NXPE2: variants seen among roughly 807,000 people sequenced by gnomAD.
NXPE2 encodes NXPE family member 2.
A neutral mutation model predicts 34.4 loss-of-function variants in NXPE2; 34 were observed. That is an observed-to-expected ratio of 0.99 (90% CI 0.75 to 1.31). The LOEUF (loss-of-function observed/expected upper bound fraction) is 1.31, where lower values mean the gene tolerates loss of function less well. Among genes scored for constraint, NXPE2 ranks in the 40% most tolerant of loss-of-function variants. The pLI is 0.00. For synonymous variants in NXPE2, 235 were observed against 231.3 expected (o/e 1.02, Z -0.15); for missense variants, 649 against 672.5 (o/e 0.97, Z 0.39).
downstream of NXPE2, among the ~76,000 whole-genome samples, chr11:114,710,367 T>C (rs1859590503): frequency 4.6e-5 from 7 of 151,796 alleles, no homozygotes; most frequent in Admixed American, 4.6e-4. Context: ...CTAAGAAAAA[T>C]AGAGAAGACT....
At chr11:114,647,808 T>A in the NXPE2 span, among the ~76,000 whole-genome samples, 1 of 152,016 alleles carries the variant, frequency 6.6e-6, no homozygotes, top group Non-Finnish European at 1.5e-5. Context: ...TTTAAGCGAT[T>A]CTCCTGCCTC....
chr11:114,551,840 GGAGA>G, the NXPE2 span: 1 of 151,918 alleles, frequency 6.6e-6, no homozygotes, highest in Admixed American at 6.6e-5. Context: ...GGAGAGAGAT[GGAGA>G]GAGAGAGAAA....
chr11:114,492,665 A>G, the NXPE2 span, among the ~76,000 whole-genome samples: 2,668 of 152,120 alleles, frequency 0.018, 43 homozygotes, highest in Middle Eastern at 0.048. Flanking sequence ...CAGCCTCCCA[A>G]GTAGCTGGGA....
the NXPE2 span, among the ~76,000 whole-genome samples, chr11:114,472,272 T>C: frequency 1.3e-5 from 2 of 152,180 alleles, no homozygotes. Flanking sequence ...CCTCTCCCAC[T>C]GTTTTAATTG....
chr11:114,529,856 C>A, the NXPE2 span: 1 of 263,756 alleles, frequency 3.8e-6, no homozygotes, highest in Admixed American at 4.8e-5. Context: ...ATTTAAGGGG[C>A]AAAATTAACA....
chr11:114,602,090 T>G, the NXPE2 span, among the ~76,000 whole-genome samples: 1 of 98,306 alleles, frequency 1.0e-5, no homozygotes, highest in Non-Finnish European at 1.8e-5. Context: ...TTTTATTATA[T>G]ATAACATATA....
At chr11:114,556,685 A>G in the NXPE2 span, among the ~76,000 whole-genome samples, 1 of 151,762 alleles carries the variant, frequency 6.6e-6, no homozygotes. Context: ...CTTTCATATC[A>G]TTTTTTAAAA....
the NXPE2 span, among the ~76,000 whole-genome samples, chr11:114,511,797 A>G: frequency 6.6e-6 from 1 of 152,082 alleles, no homozygotes; most frequent in Admixed American, 6.5e-5. Context: ...AGGTTGTTTA[A>G]GGGAGCCTGG....
the NXPE2 span, among the ~76,000 whole-genome samples, chr11:114,626,246 G>C: frequency 6.6e-6 from 1 of 152,212 alleles, no homozygotes; most frequent in Non-Finnish European, 1.5e-5. Flanking sequence ...CAAAAAGACA[G>C]CAGTAACCTC....
At chr11:114,636,392 G>C in the NXPE2 span, among the ~76,000 whole-genome samples, 4 of 151,838 alleles carry the variant, frequency 2.6e-5, no homozygotes, top group Non-Finnish European at 5.9e-5. Flanking sequence ...TATCAATTTT[G>C]TTGATCCTTT....
the NXPE2 span, among the ~76,000 whole-genome samples, chr11:114,604,018 C>T: frequency 1.1e-4 from 16 of 151,844 alleles, no homozygotes; most frequent in South Asian, 8.3e-4. Context: ...ACTACCATTA[C>T]GTGGTGGATA....
At chr11:114,727,871 G>T in the NXPE2 span, among the ~76,000 whole-genome samples, 4 of 150,460 alleles carry the variant, frequency 2.7e-5, no homozygotes, top group Non-Finnish European at 5.9e-5. Context: ...CAATTATAGG[G>T]TTTTACATTA....
the NXPE2 span, chr11:114,559,819 T>C: frequency 6.6e-6 from 1 of 152,410 alleles, no homozygotes; most frequent in African/African-American, 2.4e-5. Context: ...ATCTCTCCTA[T>C]CTGGGTGGCT....
chr11:114,571,110 C>A, the NXPE2 span: 2 of 1,613,854 alleles, frequency 1.2e-6, no homozygotes, highest in African/African-American at 2.7e-5. Context: ...ATGAAAGTCA[C>A]TAAATCTTTC....
chr11:114,753,813 C>G, the NXPE2 span, among the ~76,000 whole-genome samples: 1,277 of 152,242 alleles, frequency 8.4e-3, 11 homozygotes, highest in Non-Finnish European at 0.014. Context: ...CTATCCTCAC[C>G]AAATCTTTTA....
chr11:114,722,729 T>C, the NXPE2 span, among the ~76,000 whole-genome samples: 18 of 152,166 alleles, frequency 1.2e-4, no homozygotes, highest in East Asian at 3.5e-3. Context: ...CTGTACACTG[T>C]TTTTGGCTTG....
chr11:114,465,057 T>G, the NXPE2 span, among the ~76,000 whole-genome samples: 5,783 of 152,270 alleles, frequency 0.038, 145 homozygotes, highest in Middle Eastern at 0.082. Context: ...GTTAAGAATG[T>G]GAGTCTTAAG....
At chr11:114,702,239 A>G (rs1301856336) in intron 3 of NXPE2, among the ~76,000 whole-genome samples, 1 of 152,168 alleles carries the variant, frequency 6.6e-6, no homozygotes. Context: ...CCCTTTTTAA[A>G]ATTTAATGCA....
chr11:114,659,341 T>A, the NXPE2 span, among the ~76,000 whole-genome samples: 2,169 of 152,048 alleles, frequency 0.014, 43 homozygotes, highest in African/African-American at 0.05. Context: ...CAAGATGAAG[T>A]ATCGTTTTGA....
Sources: allele counts gnomAD v4.1 joint callset (sites outside exome capture counted in the v4.1 genomes callset), GRCh38; gene constraint gnomAD v4.1.1; transcripts MANE v1.5; gene names NCBI Gene and HGNC (gene_info 2026-07-23, HGNC 2026-07-21).